Variants in NRCAM observed in about 807,000 individuals in gnomAD.
NRCAM encodes the protein neuronal cell adhesion molecule.
In NRCAM, 83 loss-of-function variants were observed where a neutral mutation model predicts 156.5. The observed-to-expected ratio is 0.53, with a 90% CI of 0.44 to 0.64. The LOEUF (loss-of-function observed/expected upper bound fraction) is 0.64, where lower values mean the gene tolerates loss of function less well. NRCAM is among the 30% of genes least tolerant of loss of function. The probability of loss-of-function intolerance (pLI) is 0.00; values close to 1 mark genes in which losing one functional copy is unlikely to be tolerated. For missense variants in NRCAM, 1,417 were observed against 1,597.3 expected (o/e 0.89, Z 1.92); for synonymous variants, 538 against 563.9 (o/e 0.95, Z 0.65).
At chr7:108,223,979 C>T in intron 10 of NRCAM, 143 bp from the exon 11 acceptor site, 1 of 569,708 alleles carries the variant, frequency 1.8e-6, no homozygotes, top group Non-Finnish European at 3.1e-6. Context: ...GCTACATACA[C>T]ATACACACTC....
At chr7:108,368,383 A>C (rs1215215450) in intron 2 of NRCAM, among the ~76,000 whole-genome samples, 1 of 152,140 alleles carries the variant, frequency 6.6e-6, no homozygotes, top group Admixed American at 6.5e-5. Flanking sequence ...CCTTGTCAGA[A>C]ACCATCTGAC....
chr7:108,194,243 C>G lies in NRCAM; in HGVS notation c.1630+19G>C, dbSNP rs774528074. ...TGTTCAAAGTCATTTAAAAATTAAA[C>G]ACATTACCTCTGCCTTACCTTTGAT... On this transcript the variant is annotated intron_variant, in intron 16 of 32. Coordinates refer to ENST00000379028, the MANE Select transcript of NRCAM (RefSeq NM_001037132.4). 1.2e-6 allele frequency: 2 copies of G among 1,611,274 alleles called. No homozygotes were observed.
intron 28 of NRCAM, among the ~76,000 whole-genome samples, chr7:108,170,967 T>A (rs1021497969): frequency 2.0e-5 from 3 of 152,204 alleles, no homozygotes; most frequent in African/African-American, 7.2e-5. Context: ...TAGTTAATAA[T>A]AAAGTATTAT....
rs73412310 is a variant in NRCAM at position 108,152,459 on chromosome 7, G to T, written c.3678-2312C>A. 3.5e-3 allele frequency among the ~76,000 whole-genome samples: 532 copies of T among 152,156 alleles called. 4 individuals carry two copies. The highest frequency in any genetic ancestry group is 0.012 in the African/African-American group (499 of 41,506). On this transcript the variant is annotated intron_variant, in intron 32 of 32. Transcript: ENST00000379028. ...GAGAAAAGTAGGAGTTAAGTAAGGGGAGTGGCACGGCTAAATCAGGGCTTG... is the reference window on the plus strand; with the variant it reads ...GAGAAAAGTAGGAGTTAAGTAAGGGTAGTGGCACGGCTAAATCAGGGCTTG...
chr7:108,257,967 C>T lies in NRCAM; in HGVS notation c.-106-17797G>A, dbSNP rs115431700. On this transcript the variant is annotated intron_variant, in intron 3 of 32. Coordinates refer to ENST00000379028, the MANE Select transcript of NRCAM (RefSeq NM_001037132.4). The stretch of plus-strand genomic sequence containing the variant: ...CACCGGGCATGCTGAGGATTATGAA[C>T]ACTTTTCAAAGTCAACGCTACTGAC... Among the ~76,000 whole-genome samples the T allele has an allele frequency of 9.9e-4, 150 of 152,258 alleles. 1 individual carries two copies. The highest frequency in any genetic ancestry group is 3.5e-3 in the African/African-American group (145 of 41,550).
intron 8 of NRCAM, among the ~76,000 whole-genome samples, chr7:108,228,716 G>T (rs2093869603): frequency 6.6e-6 from 1 of 152,086 alleles, no homozygotes; most frequent in African/African-American, 2.4e-5. Context: ...AAGCAAAAAG[G>T]TCATTATTTC....
chr7:108,209,677 C>T (rs1376523583), intron 11 of NRCAM, 72 bp from the exon 12 acceptor site: 6 of 1,059,990 alleles, frequency 5.7e-6, no homozygotes, highest in Middle Eastern at 2.0e-4. Flanking sequence ...GATGAATTTT[C>T]ATGCAACTTT....
chr7:108,298,663 A>C (rs1053496964), intron 3 of NRCAM, among the ~76,000 whole-genome samples: 2 of 142,264 alleles, frequency 1.4e-5, no homozygotes, highest in African/African-American at 5.3e-5. Context: ...AAAAAAAACC[A>C]AAAAAACAAA....
chr7:108,237,850 C>T, intron 4 of NRCAM, 81 bp from the exon 5 acceptor site: 2 of 1,058,224 alleles, frequency 1.9e-6, no homozygotes, highest in Non-Finnish European at 2.7e-6. Context: ...AACGTTAGAA[C>T]TCTGAAGATA....
chr7:108,436,272 T>C (rs1441958903), intron 1 of NRCAM, among the ~76,000 whole-genome samples: 2 of 152,172 alleles, frequency 1.3e-5, no homozygotes, highest in East Asian at 3.8e-4. Context: ...AGTTGCAAAG[T>C]GTGAGTTTTA....
At chr7:108,415,776 G>T (rs990086540) in intron 1 of NRCAM, among the ~76,000 whole-genome samples, 1 of 152,204 alleles carries the variant, frequency 6.6e-6, no homozygotes, top group African/African-American at 2.4e-5. Context: ...CAGCTACTTG[G>T]GAGGCTGAGG....
chr7:108,313,802 A>T (rs528736323), intron 2 of NRCAM, among the ~76,000 whole-genome samples: 77 of 151,834 alleles, frequency 5.1e-4, no homozygotes, highest in African/African-American at 1.2e-3. Context: ...TTCACTTTTT[A>T]AAAAAAACCC....
intron 25 of NRCAM, 29 bp downstream of exon 25, chr7:108,180,194 G>A (rs749161708): frequency 4.9e-5 from 79 of 1,601,772 alleles, no homozygotes; most frequent in Non-Finnish European, 6.7e-5. Flanking sequence ...ATATGTTCCT[G>A]AGATCTTAGA....
intron 28 of NRCAM, among the ~76,000 whole-genome samples, chr7:108,169,505 T>C (rs2151953741): frequency 6.6e-6 from 1 of 152,320 alleles, no homozygotes; most frequent in South Asian, 2.1e-4. Context: ...CAAATAAATG[T>C]AATAAAATTA....
intron 2 of NRCAM, among the ~76,000 whole-genome samples, chr7:108,394,663 G>A (rs1341162088): frequency 6.6e-6 from 1 of 152,142 alleles, no homozygotes; most frequent in Non-Finnish European, 1.5e-5. Context: ...TACTGGTAAT[G>A]GATAGTTATT....
At chr7:108,265,127 G>A (rs2097047854) in intron 3 of NRCAM, among the ~76,000 whole-genome samples, 1 of 152,152 alleles carries the variant, frequency 6.6e-6, no homozygotes, top group Admixed American at 6.5e-5. Flanking sequence ...ACAGGGCTTT[G>A]GGAGACAGAA....
At chr7:108,284,385 C>T (rs955599629) in intron 3 of NRCAM, among the ~76,000 whole-genome samples, 2 of 152,058 alleles carry the variant, frequency 1.3e-5, no homozygotes, top group African/African-American at 2.4e-5. Flanking sequence ...ACTTGGATAC[C>T]CTAAAAAGCT....
chr7:108,316,289 C>T lies in NRCAM; in HGVS notation c.-173-3558G>A, dbSNP rs138202159. Among the ~76,000 whole-genome samples, 684 of 152,240 alleles carry T rather than the reference C, an allele frequency of 4.5e-3. 5 individuals are homozygous for T. Among genetic ancestry groups the T allele is most frequent in the African/African-American group, 0.015 (644 of 41,556 alleles). ...TCTCTCATCCTTCTGTTTTCTGCTA[C>T]GGGATGATGCAGCAAGAAGGCCCTC... On this transcript the variant is annotated intron_variant, in intron 2 of 32. Transcript: ENST00000379028.
chr7:108,452,517 AT>A (rs1156321667), intron 1 of NRCAM, among the ~76,000 whole-genome samples: 1 of 152,096 alleles, frequency 6.6e-6, no homozygotes, highest in Non-Finnish European at 1.5e-5. Context: ...AAGTCACTGG[AT>A]TTTTGCCCTT....
Sources: gnomAD v4.1 joint callset for allele counts (sites outside exome capture counted in the v4.1 genomes callset) on GRCh38, gnomAD v4.1.1 for gene constraint, MANE v1.5 for transcripts, NCBI Gene and HGNC (gene_info 2026-07-23, HGNC 2026-07-21) for gene names.